The following PLIN1 variants were observed in gnomAD, a reference collection of about 807,000 sequenced individuals.
PLIN1 encodes perilipin-1.
In PLIN1, 37 loss-of-function variants were observed where a neutral mutation model predicts 45.8. The ratio of observed to expected loss-of-function variants is 0.81; its 90% CI spans 0.62 to 1.06. The LOEUF (loss-of-function observed/expected upper bound fraction) is 1.06. Among genes scored for constraint, PLIN1 ranks in the 50% least tolerant of loss-of-function variants. The probability of loss-of-function intolerance (pLI) is 0.00; values close to 1 mark genes in which losing one functional copy is unlikely to be tolerated. For synonymous variants in PLIN1, 340 were observed against 309.2 expected (o/e 1.10, Z -1.05); for missense variants, 776 against 716.5 (o/e 1.08, Z -0.95).
At position 89,665,794 on chromosome 15, in the gene PLIN1, C is replaced by T. The variant is rs762939063; in HGVS notation, c.1358G>A (p.Arg453His). The change falls in exon 9 of 9, where the codon CGC (arginine) becomes CAC (histidine). Residue 453 changes from arginine to histidine, a missense_variant. Physicochemically the swap from Arg to His is conservative, Grantham distance 29. Coordinates refer to ENST00000300055, the MANE Select transcript of PLIN1 (RefSeq NM_002666.5). Reference sequence around the variant, plus strand: ...GCTCTGCGCGCTGCGCAGGCTGCGGCGGGGCTGTGCGAGACGCGGGGCGGG... The same window carrying T: ...GCTCTGCGCGCTGCGCAGGCTGCGGTGGGGCTGTGCGAGACGCGGGGCGGG... The part of the protein sequence containing the change: ...PEPAPRLAQP[R>H]RSLRSAQSPG... The T allele has an allele frequency of 8.5e-5, 111 of 1,299,352 alleles. No individual in the cohort carries two copies. The East Asian group carries it at 3.4e-3, about 40-fold the overall frequency. The allele number at this position is 1,299,352 out of a possible 1,614,324, so 80.5% of individuals were successfully genotyped here.
chr15:89,671,482 C>A lies in PLIN1; in HGVS notation c.333G>T (p.Lys111Asn). The change falls in exon 4 of 9, where the codon AAG (lysine) becomes AAT (asparagine). Residue 111 changes from lysine (K) to asparagine (N), a missense_variant and splice_region_variant. By Grantham distance (94) the Lys-to-Asn change is moderately conservative (BLOSUM62 0). Coordinates refer to ENST00000300055, the MANE Select transcript of PLIN1 (RefSeq NM_002666.5). ...KIPALQYPPE[K>N]IASELKDTIS... ...GCTTCGAGAGGTGGGAAGGGCTCAC[C>A]TTTTCAGGGGGGTACTGGAGGGCGG... 1 of 1,565,722 alleles carries A rather than the reference C, an allele frequency of 6.4e-7. No homozygotes were observed. Among genetic ancestry groups the A allele is most frequent in the Non-Finnish European group, 8.7e-7 (1 of 1,153,834 alleles).
chr15:89,671,727 T>A (rs923946572), intron 3 of PLIN1, among the ~76,000 whole-genome samples, 163 bp from the exon 4 acceptor site: 1 of 151,960 alleles, frequency 6.6e-6, no homozygotes, highest in Non-Finnish European at 1.5e-5. Flanking sequence ...CGCCCTTGTC[T>A]GCAGGGACTC....
intron 8 of PLIN1, among the ~76,000 whole-genome samples, chr15:89,666,536 C>T (rs116778458): frequency 1.3e-5 from 2 of 152,156 alleles, no homozygotes; most frequent in South Asian, 2.1e-4. Flanking sequence ...CTGCTGCTGT[C>T]CCCTGGAACT....
Position 89,670,215 on chromosome 15 carries a change from G to A in PLIN1, c.363C>T (p.Ser121=), listed in dbSNP as rs371357732. The A allele has an allele frequency of 3.0e-5, 48 of 1,613,290 alleles. No individual in the cohort carries two copies. Among genetic ancestry groups the A allele is most frequent in the African/African-American group, 5.3e-5 (4 of 74,946 alleles). Residue 121 remains serine, a synonymous_variant, in exon 5 of 9, where the codon TCC becomes TCT. Transcript: ENST00000300055. ...TGTTTCTGGCACTGCGGAGGCGGGT[G>A]GAGATGGTGTCCTTCAGCTCAGAAG... The part of the protein sequence containing the change: ...KIASELKDTI[S]TRLRSARNSI...
Position 89,676,308 on chromosome 15 carries a change from C to T in PLIN1, c.45+1137G>A, listed in dbSNP as rs554464095. On this transcript the variant is annotated intron_variant, in intron 2 of 8. Coordinates refer to ENST00000300055, the MANE Select transcript of PLIN1 (RefSeq NM_002666.5). ...TGTCTCCCAGGCTGGAGTGCAGTGG[C>T]GCGATCTCAGCTCACTGCAAGCTCT... 5.9e-5 allele frequency among the ~76,000 whole-genome samples: 9 copies of T among 152,226 alleles called. No individual in the cohort carries two copies. In the East Asian group the frequency reaches 7.7e-4, roughly 13 times the overall value.
Sources: allele counts gnomAD v4.1 joint callset (sites outside exome capture counted in the v4.1 genomes callset), GRCh38; gene constraint gnomAD v4.1.1; transcripts MANE v1.5; gene names NCBI Gene and HGNC (gene_info 2026-07-23, HGNC 2026-07-21).